The following NSMCE2 variants were observed in gnomAD, a reference collection of about 807,000 sequenced individuals.
NSMCE2 encodes the protein NSE2 SUMO ligase component of SMC5/6 complex, also known as E3 SUMO-protein ligase NSE2.
A neutral mutation model predicts 23.8 loss-of-function variants in NSMCE2; 24 were observed. That is an observed-to-expected ratio of 1.01 (90% CI 0.73 to 1.42). The LOEUF (loss-of-function observed/expected upper bound fraction) is 1.42. Among genes scored for constraint, NSMCE2 ranks in the 40% most tolerant of loss-of-function variants. NSMCE2 has a pLI of 0.00. For synonymous variants in NSMCE2, 92 were observed against 94.1 expected (o/e 0.98, Z 0.13); for missense variants, 284 against 296.5 (o/e 0.96, Z 0.31).
At chr8:125,117,418 A>G (rs1819059543) in intron 3 of NSMCE2, among the ~76,000 whole-genome samples, 1 of 152,102 alleles carries the variant, frequency 6.6e-6, no homozygotes, top group Admixed American at 6.6e-5. Context: ...TGTGTTTCCA[A>G]GTAAGTGTTC....
At chr8:125,226,655 G>T (rs933852521) in intron 5 of NSMCE2, among the ~76,000 whole-genome samples, 3 of 152,174 alleles carry the variant, frequency 2.0e-5, no homozygotes, top group African/African-American at 7.2e-5. Context: ...GAGGGAGTGG[G>T]AGTGATTCTT....
chr8:125,300,169 CTT>C (rs531442143), intron 5 of NSMCE2, among the ~76,000 whole-genome samples: 3 of 142,346 alleles, frequency 2.1e-5, no homozygotes, highest in Non-Finnish European at 1.5e-5. Flanking sequence ...GGCTGTGCCT[CTT>C]TTTTTTTTTT....
intron 5 of NSMCE2, among the ~76,000 whole-genome samples, chr8:125,214,482 C>T (rs1014591108): frequency 3.3e-5 from 5 of 152,106 alleles, no homozygotes; most frequent in Non-Finnish European, 1.5e-5. Context: ...GGGTCACTGG[C>T]GGGGTCAGTA....
chr8:125,192,545 G>A (rs892186918), intron 5 of NSMCE2, among the ~76,000 whole-genome samples: 5 of 152,020 alleles, frequency 3.3e-5, no homozygotes, highest in South Asian at 2.1e-4. Context: ...AAAAAACTGC[G>A]TATAGAAATT....
chr8:125,235,767 CAA>C (rs1340640687), intron 5 of NSMCE2, among the ~76,000 whole-genome samples: 1 of 152,168 alleles, frequency 6.6e-6, no homozygotes, highest in Non-Finnish European at 1.5e-5. Context: ...GGAAAGTCCT[CAA>C]GAGCAGGAAT....
chr8:125,191,836 A>G (rs1202237349), intron 5 of NSMCE2, among the ~76,000 whole-genome samples: 1 of 152,232 alleles, frequency 6.6e-6, no homozygotes, highest in South Asian at 2.1e-4. Flanking sequence ...AAAGGAATGC[A>G]TGAAAAGTAC....
intron 5 of NSMCE2, among the ~76,000 whole-genome samples, chr8:125,220,492 A>T (rs1267513537): frequency 6.6e-6 from 1 of 152,150 alleles, no homozygotes; most frequent in African/African-American, 2.4e-5. Context: ...TTTACCATAA[A>T]ATTCTTACAT....
chr8:125,269,671 A>G (rs1029617523), intron 5 of NSMCE2, among the ~76,000 whole-genome samples: 2 of 152,238 alleles, frequency 1.3e-5, no homozygotes, highest in South Asian at 4.1e-4. Flanking sequence ...TCTTGGCAAT[A>G]GTTCATGGAA....
At chr8:125,133,418 T>C (rs1181671601) in intron 3 of NSMCE2, among the ~76,000 whole-genome samples, 3 of 152,166 alleles carry the variant, frequency 2.0e-5, no homozygotes, top group African/African-American at 7.2e-5. Context: ...CTACATTTGT[T>C]GAAAACATTG....
intron 3 of NSMCE2, among the ~76,000 whole-genome samples, chr8:125,132,162 ATCATAGC>A (rs1303099365): frequency 3.4e-5 from 5 of 148,736 alleles, no homozygotes; most frequent in Non-Finnish European, 7.5e-5. Flanking sequence ...CAGTGGCACA[ATCATAGC>A]TCACTGTAAA....
At chr8:125,175,849 A>G (rs1822459931) in intron 4 of NSMCE2, among the ~76,000 whole-genome samples, 1 of 152,224 alleles carries the variant, frequency 6.6e-6, no homozygotes, top group Non-Finnish European at 1.5e-5. Flanking sequence ...TACATTTAAT[A>G]TTTGTGTTAA....
At chr8:125,316,959 GT>G (rs112763782) in intron 5 of NSMCE2, among the ~76,000 whole-genome samples, 1 of 146,736 alleles carries the variant, frequency 6.8e-6, no homozygotes, top group African/African-American at 2.5e-5. Context: ...TTGGTTTTTC[GT>G]TTTTTTTTTA....
At chr8:125,285,812 C>T (rs1827871195) in intron 5 of NSMCE2, among the ~76,000 whole-genome samples, 1 of 151,864 alleles carries the variant, frequency 6.6e-6, no homozygotes, top group Admixed American at 6.6e-5. Context: ...TTAATCGTTA[C>T]AGCATTCCAA....
At position 125,099,806 on chromosome 8, in the gene NSMCE2, C is replaced by T. The variant is rs557033530; in HGVS notation, c.-110-2245C>T. On this transcript the variant is annotated intron_variant, in intron 1 of 7. Transcript: ENST00000287437. ...TACAAATCTACAGACGAGTTTTGCT[C>T]TAAGGCTGAGTAGAGAAATGGGGCT... is the stretch of plus-strand genomic sequence containing the variant. Among the ~76,000 whole-genome samples, 37 of 152,130 alleles carry T rather than the reference C, an allele frequency of 2.4e-4. 1 individual carries two copies. The highest frequency in any genetic ancestry group is 4.6e-4 in the Non-Finnish European group (31 of 68,016).
intron 3 of NSMCE2, among the ~76,000 whole-genome samples, chr8:125,112,291 T>C (rs1818795597): frequency 6.6e-6 from 1 of 152,232 alleles, no homozygotes; most frequent in Non-Finnish European, 1.5e-5. Context: ...TTGTGTATTG[T>C]TGGTGCGAAT....
At chr8:125,159,530 C>T (rs767602854) in intron 4 of NSMCE2, among the ~76,000 whole-genome samples, 48 of 152,274 alleles carry the variant, frequency 3.2e-4, no homozygotes, top group Non-Finnish European at 6.5e-4. Context: ...GCTATTCCAT[C>T]TAGGTTTGTG....
intron 3 of NSMCE2, among the ~76,000 whole-genome samples, chr8:125,144,655 C>T (rs1295822138): frequency 1.3e-5 from 2 of 152,136 alleles, no homozygotes; most frequent in Non-Finnish European, 2.9e-5. Flanking sequence ...CCTTCCTTTC[C>T]TTTCTTAGAC....
At chr8:125,360,350 G>A (rs1275660065) in intron 7 of NSMCE2, among the ~76,000 whole-genome samples, 10 of 152,154 alleles carry the variant, frequency 6.6e-5, no homozygotes, top group Non-Finnish European at 1.5e-4. Context: ...CTCAACTACC[G>A]TCACAGATGC....
At chr8:125,329,595 G>A (rs1171060613) in intron 5 of NSMCE2, among the ~76,000 whole-genome samples, 1 of 152,140 alleles carries the variant, frequency 6.6e-6, no homozygotes, top group African/African-American at 2.4e-5. Flanking sequence ...CACCTGTCTA[G>A]CTTGTTCCGA....
Sources: gnomAD v4.1 joint callset for allele counts (sites outside exome capture counted in the v4.1 genomes callset) on GRCh38, gnomAD v4.1.1 for gene constraint, MANE v1.5 for transcripts, NCBI Gene and HGNC (gene_info 2026-07-23, HGNC 2026-07-21) for gene names.